Variants in RNF213 observed in about 807,000 individuals in gnomAD.
The protein encoded by RNF213 is ring finger protein 213.
RNF213 carries 341 observed loss-of-function variants against 514.4 expected under a neutral mutation model. The ratio of observed to expected loss-of-function variants is 0.66; its 90% confidence interval spans 0.61 to 0.73. The LOEUF (loss-of-function observed/expected upper bound fraction) is 0.73. Among genes scored for constraint, RNF213 ranks in the 30% least tolerant of loss-of-function variants. The probability of loss-of-function intolerance (pLI) is 0.00; values close to 1 mark genes in which losing one functional copy is unlikely to be tolerated. For missense variants in RNF213, 5,767 were observed against 6,615.6 expected (o/e 0.87, Z 4.45); for synonymous variants, 2,655 against 2,658.2 (o/e 1.00, Z 0.04).
chr17:80,352,878 T>C (rs990358618), intron 32 of RNF213, 62 bp from the exon 33 acceptor site: 14 of 1,610,862 alleles, frequency 8.7e-6, no homozygotes, highest in Non-Finnish European at 1.0e-5. Flanking sequence ...TGTCCCTGCT[T>C]AGGGCTGAGC....
intron 1 of RNF213, 28 bp downstream of exon 1, chr17:80,260,930 G>A (rs1332667689): frequency 6.6e-6 from 1 of 151,710 alleles, no homozygotes; most frequent in Non-Finnish European, 1.5e-5. Flanking sequence ...GAGTCTCCCG[G>A]GGCGGGGAGC....
In RNF213 at chr17:80,317,427, C is replaced by T. The variant is rs1347202296; in HGVS notation, c.2901+150C>T. On this transcript the variant is annotated intron_variant, in intron 16 of 67. Coordinates refer to ENST00000582970, the MANE Select transcript of RNF213 (RefSeq NM_001256071.3). This position sits in a 1 kb window ranked among gnomAD's most constrained non-coding sequence, Gnocchi z 4.1. ...CTCCGTGTTTCTGTTTCTGATCCAG[C>T]CCTTATAGTCTGTCCCTAGAAGAGC... 6.1e-5 allele frequency: 46 copies of T among 759,922 alleles called. No homozygotes were observed. In the East Asian group the frequency reaches 1.2e-3, roughly 20 times the overall value. 47.1% of individuals were successfully genotyped at this position (759,922 alleles called of 1,614,324 possible).
chr17:80,319,442 C>A, intron 17 of RNF213, 130 bp downstream of exon 17: 2 of 1,614,194 alleles, frequency 1.2e-6, no homozygotes, highest in Non-Finnish European at 1.7e-6. Flanking sequence ...GAAGTGGGCA[C>A]CCTCCTCCCT....
In RNF213 at chr17:80,287,955, C is replaced by T. The variant is rs1404143731; in HGVS notation, c.402C>T (p.Pro134=). 25 of 1,571,412 alleles carry T rather than the reference C, an allele frequency of 1.6e-5. No individual in the cohort carries two copies. Among genetic ancestry groups the T allele is most frequent in the Non-Finnish European group, 1.7e-5 (20 of 1,158,444 alleles). Residue 134 remains proline (P), a synonymous_variant, in exon 4 of 68, where the codon CCC becomes CCT. Coordinates refer to ENST00000582970, the MANE Select transcript of RNF213 (RefSeq NM_001256071.3). The part of the protein sequence containing the change: ...SNPWPQDTAL[P]HSQAQQSGPT... ...CGTGGCCTCAGGACACAGCCCTGCC[C>T]CACAGCCAAGCCCAGCAGAGTGGCC...
chr17:80,276,573 G>C (rs1196573153), intron 3 of RNF213, among the ~76,000 whole-genome samples: 1 of 152,090 alleles, frequency 6.6e-6, no homozygotes, highest in Non-Finnish European at 1.5e-5. Context: ...GGCCAGGCGC[G>C]GTGGCTCACT....
intron 3 of RNF213, among the ~76,000 whole-genome samples, chr17:80,282,404 GTTA>G (rs752907164): frequency 1.4e-4 from 22 of 151,806 alleles, no homozygotes; most frequent in Non-Finnish European, 2.9e-4. Context: ...ATTTATTATT[GTTA>G]TTATTTTTTG....
Position 80,339,186 on chromosome 17 carries a change from G to A in RNF213, c.4834-15G>A. 1 of 1,462,648 alleles carries A rather than the reference G, an allele frequency of 6.8e-7. No homozygotes were observed. The highest frequency in any genetic ancestry group is 1.4e-5 in the African/African-American group (1 of 70,990). 90.6% of individuals were successfully genotyped at this position (1,462,648 alleles called of 1,614,324 possible). On this transcript the variant is annotated splice_polypyrimidine_tract_variant and intron_variant, in intron 25 of 67. Transcript: ENST00000582970. The stretch of plus-strand genomic sequence containing the variant: ...CATGGCTCTGTGAGCCAACCTCATG[G>A]TTCTGCCTCTCCAGGTCTTCTGCAG...
intron 15 of RNF213, chr17:80,316,055 TGATA>T (rs1476091230): frequency 6.6e-6 from 1 of 151,728 alleles, no homozygotes; most frequent in African/African-American, 2.4e-5. Context: ...GTGGTGGAGG[TGATA>T]GATATTTGAA....
At chr17:80,319,665 G>T in intron 17 of RNF213, 1 of 1,474,082 alleles carries the variant, frequency 6.8e-7, no homozygotes, top group Non-Finnish European at 9.0e-7. Flanking sequence ...TGCTCAGTAG[G>T]TGTGCGGGAA....
rs995446391 is a variant in RNF213 at position 80,398,148 on chromosome 17, T to C, written c.*4650T>C. 3.9e-5 allele frequency: 6 copies of C among 152,100 alleles called. No individual in the cohort carries two copies. Among genetic ancestry groups the C allele is most frequent in the Admixed American group, 3.9e-4 (6 of 15,268 alleles). 9.4% of individuals were successfully genotyped at this position (152,100 alleles called of 1,614,324 possible). A position where few individuals can be genotyped will look rare whatever the true frequency, so the allele number is the denominator to read the frequency against. ...TGGCACTCTGGTTTTTGTTTTTGAC[T>C]TGACTTGGATTGCTTGATACTTTGG... is the stretch of plus-strand genomic sequence containing the variant. On this transcript the variant is annotated 3_prime_UTR_variant, in exon 68 of 68. Coordinates refer to ENST00000582970, the MANE Select transcript of RNF213 (RefSeq NM_001256071.3).
intron 36 of RNF213, among the ~76,000 whole-genome samples, chr17:80,357,886 G>A (rs183343133): frequency 2.6e-5 from 4 of 152,310 alleles, no homozygotes; most frequent in Admixed American, 2.0e-4. Context: ...TACTTGCACG[G>A]CTGAGGTGGG....
chr17:80,306,851 CAA>C (rs67070144), intron 12 of RNF213, among the ~76,000 whole-genome samples: 99 of 105,446 alleles, frequency 9.4e-4, no homozygotes, highest in African/African-American at 1.3e-3. Context: ...GACTCCATCT[CAA>C]AAAAAAAAAA....
At position 80,386,738 on chromosome 17, in the gene RNF213, T is replaced by C. The variant is rs1001366542; in HGVS notation, c.14769T>C (p.Tyr4923=). 3.0e-5 allele frequency: 48 copies of C among 1,614,116 alleles called. No homozygotes were observed. Among genetic ancestry groups the C allele is most frequent in the Middle Eastern group, 1.6e-4 (1 of 6,084 alleles). ...AEVTELHVIS[Y]EVERDLTPLI... is the part of the protein sequence containing the mutation. ...TCACTGAACTGCATGTCATCAGTTATGAAGTGGAGCGGGACCTGACTCCAC... is the reference window on the plus strand; with the variant it reads ...TCACTGAACTGCATGTCATCAGTTACGAAGTGGAGCGGGACCTGACTCCAC... Residue 4923 remains tyrosine, a synonymous_variant, in exon 63 of 68, where the codon TAT becomes TAC. Transcript: ENST00000582970.
In RNF213 at chr17:80,351,719, GA is replaced by G; in HGVS notation, c.10223del (p.Asn3408MetfsTer48). 1 of 1,610,258 alleles carries G rather than the reference GA, an allele frequency of 6.2e-7. No homozygotes were observed. The highest frequency in any genetic ancestry group is 8.5e-7 in the Non-Finnish European group (1 of 1,176,774). On this transcript the variant is annotated frameshift_variant, in exon 32 of 68. Coordinates refer to ENST00000582970, the MANE Select transcript of RNF213 (RefSeq NM_001256071.3). LOFTEE classifies it high-confidence loss of function. ...TATAAATGAAATCAACAAAATACGA[GA>G]AAATGAGGACCGTATCTTCGTCTAT... is the stretch of plus-strand genomic sequence containing the variant. ...SVINEINKIR[E>X]NEDRIFVYFI...
intron 17 of RNF213, among the ~76,000 whole-genome samples, chr17:80,322,794 G>T (rs1436583612): frequency 6.6e-6 from 1 of 152,094 alleles, no homozygotes; most frequent in Non-Finnish European, 1.5e-5. Context: ...TCACTTGTCA[G>T]ATATATGATT....
In RNF213 at chr17:80,263,164, C is replaced by G. The variant is rs185321737; in HGVS notation, c.-108-410C>G. Reference sequence around the variant, plus strand: ...GCAGAGTGGCGCGCTTTGTGGATGGCAGCCTCCCCCCATTACTAGGAATCT... The same window carrying G: ...GCAGAGTGGCGCGCTTTGTGGATGGGAGCCTCCCCCCATTACTAGGAATCT... On this transcript the variant is annotated intron_variant, in intron 1 of 67. Transcript: ENST00000582970. The surrounding 1 kb of genome is among the most constrained non-coding windows in gnomAD (Gnocchi z 4.9). 6.6e-6 allele frequency among the ~76,000 whole-genome samples: 1 copy of G among 152,298 alleles called. No individual in the cohort carries two copies. The highest frequency in any genetic ancestry group is 1.5e-5 in the Non-Finnish European group (1 of 68,024).
intron 6 of RNF213, among the ~76,000 whole-genome samples, chr17:80,290,338 CGTGTGTGCGTGT>C (rs1486041647): frequency 6.6e-6 from 1 of 150,582 alleles, no homozygotes; most frequent in Non-Finnish European, 1.5e-5. Flanking sequence ...TGTGTGCGCA[CGTGTGTGCGTGT>C]GCATGTATGT....
In RNF213 at chr17:80,339,641, G is replaced by A. The variant is rs2078090842; in HGVS notation, c.5274G>A (p.Arg1758=). 5.2e-6 allele frequency: 8 copies of A among 1,537,096 alleles called. No homozygotes were observed. Among genetic ancestry groups the A allele is most frequent in the Admixed American group, 2.0e-5 (1 of 50,970 alleles). The change falls in exon 26 of 68, where the codon AGG becomes AGA. Residue 1758 remains arginine, a synonymous_variant. Transcript: ENST00000582970. ...GTGAGGCCGCCAGGTACCGCATGAG[G>A]AGAGTCATGGAAGAGCTCCCGCTGA... ...CGSEAARYRM[R]RVMEELPLML...
intron 36 of RNF213, among the ~76,000 whole-genome samples, chr17:80,357,812 CA>C (rs1247501076): frequency 1.3e-5 from 2 of 152,020 alleles, no homozygotes; most frequent in Non-Finnish European, 2.9e-5. Flanking sequence ...CCCATCTCAA[CA>C]AAAAATAAAA....
Sources: allele counts gnomAD v4.1 joint callset (sites outside exome capture counted in the v4.1 genomes callset), GRCh38; gene constraint gnomAD v4.1.1; non-coding constraint Gnocchi (gnomAD v3.1); transcripts MANE v1.5; gene names NCBI Gene and HGNC (gene_info 2026-07-23, HGNC 2026-07-21).